Variants in DNAH8 observed in about 807,000 individuals in gnomAD.
DNAH8 encodes axonemal beta dynein heavy chain 8.
A neutral mutation model predicts 562.1 loss-of-function variants in DNAH8; 382 were observed. The observed-to-expected ratio is 0.68, with a 90% confidence interval of 0.63 to 0.74. The LOEUF is 0.74. Among genes scored for constraint, DNAH8 ranks in the 30% least tolerant of loss-of-function variants. The probability of loss-of-function intolerance (pLI) is 0.00; values close to 1 mark genes in which losing one functional copy is unlikely to be tolerated. For missense variants in DNAH8, 5,203 were observed against 5,620.4 expected, an observed-to-expected ratio of 0.93 and a Z score of 2.37; for synonymous variants, 1,881 against 1,919.4, an observed-to-expected ratio of 0.98 and a Z score of 0.52.
In DNAH8 at chr6:38,857,742, G is replaced by A. The variant is rs749841276; in HGVS notation, c.5958G>A (p.Leu1986=). Residue 1986 remains leucine, a splice_region_variant and synonymous_variant, in exon 42 of 93, where the codon TTG becomes TTA. Coordinates refer to ENST00000327475, the MANE Select transcript of DNAH8 (RefSeq NM_001206927.2). The part of the protein sequence containing the change: ...HVHQRDIFDD[L]VKMHIKSPTD... ...ATCAGAGAGATATTTTTGATGACTT[G>A]GTAAGGTATCTTTTTTTTTAATTTA... 3 of 1,585,022 alleles carry A rather than the reference G, an allele frequency of 1.9e-6. No homozygotes were observed. In the Admixed American group the frequency reaches 5.2e-5, roughly 27 times the overall value.
chr6:38,928,903 A>C (rs1782318391), intron 74 of DNAH8, among the ~76,000 whole-genome samples: 1 of 152,186 alleles, frequency 6.6e-6, no homozygotes, highest in Non-Finnish European at 1.5e-5. Context: ...GCATTAATCT[A>C]AACACGAAGA....
rs745569127 is a variant in DNAH8, at chr6:39,026,682, G to A, written c.13836+15G>A. ...CACCCCCTGGGGTAGGCGTTGCTGG[G>A]CAATAGCAGGGACCATTCTGGAGCC... On this transcript the variant is annotated intron_variant, in intron 92 of 92. Coordinates refer to ENST00000327475, the MANE Select transcript of DNAH8 (RefSeq NM_001206927.2). 1.7e-5 allele frequency: 27 copies of A among 1,611,424 alleles called. No individual in the cohort carries two copies. In the South Asian group the frequency reaches 1.9e-4, roughly 11 times the overall value.
intron 87 of DNAH8, among the ~76,000 whole-genome samples, chr6:38,986,295 G>A (rs1416079625): frequency 1.3e-5 from 2 of 152,246 alleles, no homozygotes; most frequent in East Asian, 1.9e-4. Context: ...TGATCTATAC[G>A]ACATCATGCA....
rs1182168966 is a variant in DNAH8 at position 38,875,803 on chromosome 6, G to A, written c.7833G>A (p.Met2611Ile). ...PEIPKGSNQTMYEFYVTDYGD... is the reference protein window; with the variant it reads ...PEIPKGSNQTIYEFYVTDYGD... Reference sequence around the variant, plus strand: ...TACCTAAAGGCTCAAATCAAACCATGTATGAGTTTTATGTTACTGATTATG... The same window carrying A: ...TACCTAAAGGCTCAAATCAAACCATATATGAGTTTTATGTTACTGATTATG... The change falls in exon 53 of 93, where the codon ATG becomes ATA. Residue 2611 changes from methionine to isoleucine, a missense_variant. By Grantham distance (10) the Met-to-Ile change is conservative. Transcript: ENST00000327475. The A allele has an allele frequency of 1.2e-6, 2 of 1,613,412 alleles. No individual in the cohort carries two copies. The highest frequency in any genetic ancestry group is 1.7e-6 in the Non-Finnish European group (2 of 1,179,456).
intron 88 of DNAH8, among the ~76,000 whole-genome samples, chr6:39,002,735 A>C (rs937531259): frequency 2.6e-5 from 4 of 152,354 alleles, no homozygotes; most frequent in African/African-American, 9.6e-5. Context: ...TTCATTAAAA[A>C]TCAGGTTTTA....
intron 9 of DNAH8, among the ~76,000 whole-genome samples, chr6:38,750,882 A>G (rs1765387149): frequency 6.6e-6 from 1 of 152,210 alleles, no homozygotes. Context: ...TAAAATATAC[A>G]TTTTCCTCTT....
At chr6:38,834,141 G>C (rs1042950766) in intron 31 of DNAH8, among the ~76,000 whole-genome samples, 3 of 152,172 alleles carry the variant, frequency 2.0e-5, no homozygotes, top group Admixed American at 2.0e-4. Flanking sequence ...TCAGAACTCT[G>C]TATCAGTTAT....
intron 87 of DNAH8, among the ~76,000 whole-genome samples, chr6:38,988,067 G>T (rs1764525357): frequency 6.6e-6 from 1 of 152,116 alleles, no homozygotes; most frequent in Non-Finnish European, 1.5e-5. Flanking sequence ...TTGCCCATGG[G>T]AGAAGCAGCT....
chr6:38,747,664 C>T (rs563407660), intron 8 of DNAH8, among the ~76,000 whole-genome samples: 113 of 152,242 alleles, frequency 7.4e-4, no homozygotes, highest in African/African-American at 2.5e-3. Flanking sequence ...GGATTACTGG[C>T]GTGAGCCACC....
At position 38,936,900 on chromosome 6, in the gene DNAH8, T is replaced by C. The variant is rs140654850; in HGVS notation, c.11564-1074T>C. On this transcript the variant is annotated intron_variant, in intron 77 of 92. Coordinates refer to ENST00000327475, the MANE Select transcript of DNAH8 (RefSeq NM_001206927.2). ...GCCAGAGTGCTGCTGTTCGCAGATA[T>C]GGGAACTGTTCGCAGATATGGGGAC... 1.5e-3 allele frequency among the ~76,000 whole-genome samples: 222 copies of C among 152,286 alleles called. 1 individual carries two copies. The highest frequency in any genetic ancestry group is 5.1e-3 in the African/African-American group (212 of 41,546).
rs188582165 is a variant in DNAH8 at position 38,788,930 on chromosome 6, C to G, written c.2584-873C>G. ...TCTTACCAAAATAGTATTTAATTGT[C>G]TTTTTTTTGAAAAAAACTGGAGTAA... On this transcript the variant is annotated intron_variant, in intron 18 of 92. Coordinates refer to ENST00000327475, the MANE Select transcript of DNAH8 (RefSeq NM_001206927.2). 1.2e-3 allele frequency among the ~76,000 whole-genome samples: 186 copies of G among 151,948 alleles called. 1 individual carries two copies. The highest frequency in any genetic ancestry group is 4.4e-3 in the African/African-American group (183 of 41,436).
intron 12 of DNAH8, among the ~76,000 whole-genome samples, chr6:38,772,970 A>ATTTTTTTTTTTT (rs1491433852): frequency 4.6e-5 from 3 of 65,456 alleles, no homozygotes; most frequent in Non-Finnish European, 9.0e-5. Context: ...AGCTAATTAA[A>ATTTTTTTTTTTT]CTTTTTTTTT....
Position 38,981,555 on chromosome 6 carries a change from T to C in DNAH8, c.12835-791T>C, listed in dbSNP as rs117879337. On this transcript the variant is annotated intron_variant, in intron 85 of 92. Coordinates refer to ENST00000327475, the MANE Select transcript of DNAH8 (RefSeq NM_001206927.2). ...AGACACGTCATGTATACAACAGAAATTTTTAGTTTTCAAAATCTGAAATGG... is the reference window on the plus strand; with the variant it reads ...AGACACGTCATGTATACAACAGAAACTTTTAGTTTTCAAAATCTGAAATGG... 3.5e-4 allele frequency among the ~76,000 whole-genome samples: 53 copies of C among 152,250 alleles called. 1 individual carries two copies. In the East Asian group the frequency reaches 0.01, roughly 29 times the overall value.
chr6:38,913,946 A>G lies in DNAH8; in HGVS notation c.9957A>G (p.Ala3319=). ...AGTTGGCAGTGGCTTCCATAAAAGC[A>G]GACGAAGTGAGTTTGCATTTATTTT... ...EKELAVASIK[A]DEVLAEVTVS... is the part of the protein sequence containing the mutation. The change falls in exon 67 of 93, where the codon GCA becomes GCG. Residue 3319 remains alanine (A), a synonymous_variant. Transcript: ENST00000327475. 6.2e-7 allele frequency: 1 copy of G among 1,609,792 alleles called. No homozygotes were observed. Among genetic ancestry groups the G allele is most frequent in the South Asian group, 1.1e-5 (1 of 90,940 alleles).
intron 10 of DNAH8, among the ~76,000 whole-genome samples, chr6:38,756,741 A>G (rs529095558): frequency 6.9e-6 from 1 of 144,224 alleles, no homozygotes; most frequent in Non-Finnish European, 1.5e-5. Context: ...TCATTGTTCA[A>G]TTCCCACCTC....
At chr6:38,942,329 T>G (rs919740417) in intron 79 of DNAH8, among the ~76,000 whole-genome samples, 2 of 152,006 alleles carry the variant, frequency 1.3e-5, no homozygotes, top group African/African-American at 4.8e-5. Context: ...GAGGCACATA[T>G]GACATAGAAA....
intron 28 of DNAH8, among the ~76,000 whole-genome samples, chr6:38,825,122 G>A (rs1277784507): frequency 6.6e-6 from 1 of 152,144 alleles, no homozygotes; most frequent in Non-Finnish European, 1.5e-5. Flanking sequence ...GTTATAAAGA[G>A]AGGGGAGGGT....
chr6:38,856,058 C>A (rs1776171803), intron 41 of DNAH8, among the ~76,000 whole-genome samples: 1 of 152,186 alleles, frequency 6.6e-6, no homozygotes, highest in African/African-American at 2.4e-5. Context: ...AACACTTAGT[C>A]CTCCTACCTG....
At chr6:38,922,676 A>C (rs935382700) in intron 71 of DNAH8, among the ~76,000 whole-genome samples, 2 of 152,216 alleles carry the variant, frequency 1.3e-5, no homozygotes, top group Non-Finnish European at 2.9e-5. Flanking sequence ...GGATTTTTCC[A>C]GGAGAAAATA....
Sources: allele counts gnomAD v4.1 joint callset (sites outside exome capture counted in the v4.1 genomes callset), GRCh38; gene constraint gnomAD v4.1.1; transcripts MANE v1.5; gene names NCBI Gene and HGNC (gene_info 2026-07-23, HGNC 2026-07-21).